GPR158: variants seen among roughly 807,000 people sequenced by gnomAD.
GPR158 encodes G protein-coupled receptor 158.
In GPR158, 30 loss-of-function variants were observed where a neutral mutation model predicts 78.2. That is an observed-to-expected ratio of 0.38 (90% CI 0.29 to 0.52). The LOEUF is 0.52. Ranked by LOEUF, GPR158 falls within the 20% of genes least tolerant of loss-of-function variation. The pLI, the probability that GPR158 is intolerant of heterozygous loss-of-function variation, is 0.83. For synonymous variants in GPR158, 581 were observed against 591.1 expected (o/e 0.98, Z 0.25); for missense variants, 1,463 against 1,523.5 (o/e 0.96, Z 0.66).
chr10:25,410,403 G>A (rs1388761292), intron 3 of GPR158, among the ~76,000 whole-genome samples: 2 of 152,062 alleles, frequency 1.3e-5, no homozygotes, highest in African/African-American at 2.4e-5. Context: ...GGATAACAAG[G>A]TGATAAGTTC....
At chr10:25,309,019 G>T (rs932099458) in intron 2 of GPR158, among the ~76,000 whole-genome samples, 1 of 152,110 alleles carries the variant, frequency 6.6e-6, no homozygotes, top group Non-Finnish European at 1.5e-5. Context: ...AAATATAGCT[G>T]TACAGATATT....
intron 2 of GPR158, among the ~76,000 whole-genome samples, chr10:25,313,201 G>A (rs1050924750): frequency 7.2e-6 from 1 of 138,848 alleles, no homozygotes; most frequent in Non-Finnish European, 1.5e-5. Context: ...CTGTCTCTAA[G>A]ACTAAGTATA....
At chr10:25,484,925 G>C (rs567007293) in intron 5 of GPR158, among the ~76,000 whole-genome samples, 1 of 152,082 alleles carries the variant, frequency 6.6e-6, no homozygotes, top group Non-Finnish European at 1.5e-5. Flanking sequence ...TGTATTATAT[G>C]TAAATGCAAT....
rs1853825234 is a variant in GPR158 at position 25,252,682 on chromosome 10, C to T, written c.1008+31525C>T. On this transcript the variant is annotated intron_variant, in intron 2 of 10. Coordinates refer to ENST00000376351, the MANE Select transcript of GPR158 (RefSeq NM_020752.3). Reference sequence around the variant, plus strand: ...GGCAGTCTGCCGGTTCTCAGATCTCCAGCTGCGTGCTGGGAGAACCACTGC... The same window carrying T: ...GGCAGTCTGCCGGTTCTCAGATCTCTAGCTGCGTGCTGGGAGAACCACTGC... 2.0e-5 allele frequency among the ~76,000 whole-genome samples: 3 copies of T among 152,198 alleles called. No individual in the cohort carries two copies. The South Asian group carries it at 6.2e-4, about 31-fold the overall frequency.
intron 2 of GPR158, among the ~76,000 whole-genome samples, chr10:25,265,166 C>T (rs1196145433): frequency 6.6e-6 from 1 of 152,086 alleles, no homozygotes; most frequent in Non-Finnish European, 1.5e-5. Context: ...CTTCTAAGTC[C>T]ACAGAGGTCT....
At chr10:25,447,287 T>C (rs1483010609) in intron 4 of GPR158, among the ~76,000 whole-genome samples, 2 of 152,216 alleles carry the variant, frequency 1.3e-5, no homozygotes, top group East Asian at 1.9e-4. Flanking sequence ...CAGGTTTAAA[T>C]TGAATTTTTG....
At chr10:25,225,323 C>T (rs934524512) in intron 2 of GPR158, among the ~76,000 whole-genome samples, 8 of 151,716 alleles carry the variant, frequency 5.3e-5, no homozygotes, top group African/African-American at 1.9e-4. Context: ...ATCATAAATA[C>T]TTTATACTTT....
At chr10:25,492,561 T>C (rs893458099) in intron 5 of GPR158, among the ~76,000 whole-genome samples, 2 of 152,154 alleles carry the variant, frequency 1.3e-5, no homozygotes, top group Non-Finnish European at 2.9e-5. Flanking sequence ...AAGAAAAATG[T>C]TTTCATGTTT....
In GPR158 at chr10:25,458,755, T is replaced by G. The variant is rs1049489558; in HGVS notation, c.1336-7896T>G. Among the ~76,000 whole-genome samples, 6 of 152,324 alleles carry G rather than the reference T, an allele frequency of 3.9e-5. No homozygotes were observed. The South Asian group carries it at 1.2e-3, about 32-fold the overall frequency. ...TGGTTAATACCAAAGTTCCAGACCATGTAGTGATCAAATCTATGTGGTTTA... is the reference window on the plus strand; with the variant it reads ...TGGTTAATACCAAAGTTCCAGACCAGGTAGTGATCAAATCTATGTGGTTTA... On this transcript the variant is annotated intron_variant, in intron 4 of 10. Coordinates refer to ENST00000376351, the MANE Select transcript of GPR158 (RefSeq NM_020752.3).
Position 25,551,093 on chromosome 10 carries a change from C to T in GPR158, c.1514+8C>T, listed in dbSNP as rs745758933. 2 of 1,375,698 alleles carry T rather than the reference C, an allele frequency of 1.5e-6. No individual in the cohort carries two copies. The highest frequency in any genetic ancestry group is 2.3e-5 in the East Asian group (1 of 43,666). 85.2% of individuals were successfully genotyped at this position (1,375,698 alleles called of 1,614,324 possible). A position where few individuals can be genotyped will look rare whatever the true frequency, so the allele number is the denominator to read the frequency against. On this transcript the variant is annotated splice_region_variant and intron_variant, in intron 6 of 10. Coordinates refer to ENST00000376351, the MANE Select transcript of GPR158 (RefSeq NM_020752.3). ...CACTCTCAAACTTCACAGGTATATA[C>T]ATTTTATTCATCGTCATTCTCATGG...
intron 2 of GPR158, among the ~76,000 whole-genome samples, chr10:25,350,131 A>T (rs1411408717): frequency 6.6e-6 from 1 of 151,966 alleles, no homozygotes; most frequent in Non-Finnish European, 1.5e-5. Context: ...GATTAAAAAA[A>T]AAAAGATGAA....
intron 1 of GPR158, among the ~76,000 whole-genome samples, chr10:25,208,449 A>G (rs1164496786): frequency 6.6e-6 from 1 of 152,194 alleles, no homozygotes. Context: ...AGAATAAACA[A>G]AATTTGCATC....
rs146292780 is a variant in GPR158 at position 25,176,191 on chromosome 10, C to T, written c.771C>T (p.Gly257=). 2 of 1,578,942 alleles carry T rather than the reference C, an allele frequency of 1.3e-6. No homozygotes were observed. The highest frequency in any genetic ancestry group is 1.3e-5 in the African/African-American group (1 of 74,772). Residue 257 remains glycine, a synonymous_variant, in exon 1 of 11, where the codon GGC becomes GGT. Coordinates refer to ENST00000376351, the MANE Select transcript of GPR158 (RefSeq NM_020752.3). This position sits in a 1 kb window ranked among gnomAD's most constrained non-coding sequence, Gnocchi z 6.3. ...GCTGGCGGCGCAAGGACGGGCTCGG[C>T]GGGGACAAGAGCCACTTCAAGTGGT... The part of the protein sequence containing the change: ...GHSWRRKDGL[G]GDKSHFKWSP...
rs71399976 is a variant in GPR158 at position 25,495,295 on chromosome 10, C to CTTTTTTTTTTT, written c.1404+28586_1404+28596dup. ...TATTTTAAGCTATCATTCTTTTCTG[C>CTTTTTTTTTTT]TTTTTTTTTTTTTTTTTTTTGAGAC... On this transcript the variant is annotated intron_variant, in intron 5 of 10. Transcript: ENST00000376351. Among the ~76,000 whole-genome samples the CTTTTTTTTTTT allele has an allele frequency of 1.6e-4, 15 of 91,106 alleles. 2 individuals carry two copies. The highest frequency in any genetic ancestry group is 4.4e-4 in the South Asian group (1 of 2,294). 59.8% of individuals were successfully genotyped at this position (91,106 alleles called of 152,430 possible).
intron 6 of GPR158, among the ~76,000 whole-genome samples, chr10:25,553,313 C>T (rs1250039325): frequency 7.9e-5 from 12 of 152,016 alleles, no homozygotes; most frequent in Non-Finnish European, 1.5e-4. Context: ...TAAAACTATT[C>T]GAAATTAAAA....
At chr10:25,278,623 T>C (rs114981655) in intron 2 of GPR158, among the ~76,000 whole-genome samples, 1,826 of 151,810 alleles carry the variant, frequency 0.012, 27 homozygotes, top group South Asian at 0.058. Context: ...TTGTAAAAAA[T>C]TGTAAAATAA....
chr10:25,550,239 C>T (rs899392588), intron 5 of GPR158, among the ~76,000 whole-genome samples: 1 of 152,156 alleles, frequency 6.6e-6, no homozygotes, highest in East Asian at 1.9e-4. Flanking sequence ...TGTCTCTTTT[C>T]CCCCTCTTCC....
chr10:25,334,448 C>A (rs778708256), intron 2 of GPR158, among the ~76,000 whole-genome samples: 12 of 151,978 alleles, frequency 7.9e-5, no homozygotes, highest in Non-Finnish European at 1.8e-4. Context: ...CCTGTCATTG[C>A]GAAGCTTCAA....
At chr10:25,342,594 T>G (rs1022517997) in intron 2 of GPR158, among the ~76,000 whole-genome samples, 4 of 152,050 alleles carry the variant, frequency 2.6e-5, no homozygotes, top group African/African-American at 9.6e-5. Context: ...GAGAATCACT[T>G]AAAATATTGG....
Sources: allele counts gnomAD v4.1 joint callset (sites outside exome capture counted in the v4.1 genomes callset), GRCh38; gene constraint gnomAD v4.1.1; non-coding constraint Gnocchi (gnomAD v3.1); transcripts MANE v1.5; gene names NCBI Gene and HGNC (gene_info 2026-07-23, HGNC 2026-07-21).